The following MB21D2 variants were observed in gnomAD, a reference collection of about 807,000 sequenced individuals.
MB21D2 encodes Mab-21 domain containing 2.
Under a neutral mutation model 33.3 loss-of-function variants are expected in MB21D2, and 9 were observed. The ratio of observed to expected loss-of-function variants is 0.27; its 90% CI spans 0.16 to 0.47. The LOEUF is 0.47. Among genes scored for constraint, MB21D2 ranks in the 20% least tolerant of loss-of-function variants. The probability of loss-of-function intolerance (pLI) is 0.99; values close to 1 mark genes in which losing one functional copy is unlikely to be tolerated. For missense variants in MB21D2, 540 were observed against 624.6 expected, an observed-to-expected ratio of 0.86 and a Z score of 1.44; for synonymous variants, 241 against 236.3, an observed-to-expected ratio of 1.02 and a Z score of -0.18.
chr3:192,871,874 C>T (rs1713310656), intron 1 of MB21D2, among the ~76,000 whole-genome samples: 1 of 152,106 alleles, frequency 6.6e-6, no homozygotes, highest in African/African-American at 2.4e-5. Flanking sequence ...TGGACTCTCC[C>T]GGGTGGTTCA....
In MB21D2 at chr3:192,797,686, A is replaced by G. The variant is rs1720551743; in HGVS notation, c.*700T>C. 1 of 152,636 alleles carries G rather than the reference A, an allele frequency of 6.6e-6. No individual in the cohort carries two copies. The highest frequency in any genetic ancestry group is 2.4e-5 in the African/African-American group (1 of 41,444). The allele number at this position is 152,636 out of a possible 1,614,324, so 9.5% of individuals were successfully genotyped here. A position where few individuals can be genotyped will look rare whatever the true frequency, so the allele number is the denominator to read the frequency against. On this transcript the variant is annotated 3_prime_UTR_variant, in exon 2 of 2. Coordinates refer to ENST00000392452, the MANE Select transcript of MB21D2 (RefSeq NM_178496.4). The stretch of plus-strand genomic sequence containing the variant: ...TTTAAATAAGGCTTCAAATAATTAC[A>G]TATGCTAAAATTAACATTTGGAAAC...
At chr3:192,866,282 G>A (rs546167587) in intron 1 of MB21D2, among the ~76,000 whole-genome samples, 2 of 152,040 alleles carry the variant, frequency 1.3e-5, no homozygotes, top group South Asian at 4.1e-4. Context: ...CAATGTACAA[G>A]TGTAAGCAGG....
At chr3:192,904,284 T>A (rs149282416) in intron 1 of MB21D2, among the ~76,000 whole-genome samples, 459 of 152,302 alleles carry the variant, frequency 3.0e-3, no homozygotes, top group African/African-American at 0.011. Flanking sequence ...ATGCTGTGGA[T>A]GAACTGCCAC....
intron 1 of MB21D2, among the ~76,000 whole-genome samples, chr3:192,805,899 G>A (rs776561013): frequency 6.6e-5 from 10 of 152,106 alleles, no homozygotes; most frequent in Non-Finnish European, 1.5e-4. Flanking sequence ...CAGATTCCAC[G>A]GAGTTATTTT....
Position 192,798,886 on chromosome 3 carries a change from C to T in MB21D2, c.976G>A (p.Ala326Thr). 6.2e-7 allele frequency: 1 copy of T among 1,613,546 alleles called. No homozygotes were observed. Among genetic ancestry groups the T allele is most frequent in the Non-Finnish European group, 8.5e-7 (1 of 1,179,804 alleles). Residue 326 changes from alanine (A) to threonine (T), a missense_variant, in exon 2 of 2, where the codon GCT becomes ACT. Transcript: ENST00000392452. This position sits in a 1 kb window ranked among gnomAD's most constrained non-coding sequence, Gnocchi z 4.8. ...IIIKLLSRPK[A>T]ISPYHLRSMM... ...CTCCGCAGGTGATAGGGGCTAATAG[C>T]CTTGGGCCGGGACAGCAGTTTAATG...
intron 1 of MB21D2, among the ~76,000 whole-genome samples, chr3:192,873,442 G>T (rs1025742071): frequency 6.6e-6 from 1 of 152,122 alleles, no homozygotes; most frequent in African/African-American, 2.4e-5. Flanking sequence ...GTTGCAGGAG[G>T]TCTCCACACC....
chr3:192,858,093 C>T (rs1712958617), intron 1 of MB21D2, among the ~76,000 whole-genome samples: 2 of 152,116 alleles, frequency 1.3e-5, no homozygotes, highest in South Asian at 4.1e-4. Context: ...CCACTGCACT[C>T]CAGCCTGGGC....
At chr3:192,907,449 A>G (rs1714238189) in intron 1 of MB21D2, among the ~76,000 whole-genome samples, 1 of 152,186 alleles carries the variant, frequency 6.6e-6, no homozygotes. Context: ...CTAAGAGTAG[A>G]AAAGTCTACA....
intron 1 of MB21D2, among the ~76,000 whole-genome samples, chr3:192,851,811 G>T (rs1347779177): frequency 6.6e-6 from 1 of 152,046 alleles, no homozygotes; most frequent in Non-Finnish European, 1.5e-5. Flanking sequence ...ATTTTTAAAA[G>T]GTTATTATTA....
intron 1 of MB21D2, among the ~76,000 whole-genome samples, chr3:192,896,739 C>T (rs774301269): frequency 7.2e-5 from 11 of 152,214 alleles, no homozygotes; most frequent in Non-Finnish European, 1.0e-4. Flanking sequence ...TAATTACCAT[C>T]ATTGGCTAGT....
intron 1 of MB21D2, among the ~76,000 whole-genome samples, chr3:192,874,155 C>A (rs1560246442): frequency 6.6e-6 from 1 of 152,140 alleles, no homozygotes; most frequent in Non-Finnish European, 1.5e-5. Flanking sequence ...GGGGGTCTAG[C>A]AATTTCTCTC....
At chr3:192,888,208 T>C (rs1271445673) in intron 1 of MB21D2, among the ~76,000 whole-genome samples, 1 of 152,012 alleles carries the variant, frequency 6.6e-6, no homozygotes, top group East Asian at 1.9e-4. Flanking sequence ...AGCCTTACAC[T>C]TAAATCTGAA....
intron 1 of MB21D2, among the ~76,000 whole-genome samples, chr3:192,860,496 G>A (rs2108633490): frequency 6.6e-6 from 1 of 152,330 alleles, no homozygotes; most frequent in East Asian, 1.9e-4. Context: ...GTAGAATATT[G>A]ATAGTGGCAA....
At chr3:192,814,757 G>C (rs6805242) in intron 1 of MB21D2, among the ~76,000 whole-genome samples, 11,549 of 151,876 alleles carry the variant, frequency 0.076, 1,524 homozygotes, top group African/African-American at 0.26. Flanking sequence ...CCCAGCTACT[G>C]GGGAGGCTGA....
chr3:192,877,373 C>CA lies in MB21D2; in HGVS notation c.211+40256dup, dbSNP rs202137119. 2.6e-5 allele frequency among the ~76,000 whole-genome samples: 4 copies of CA among 152,036 alleles called. No individual in the cohort carries two copies. In the East Asian group the frequency reaches 7.7e-4, roughly 29 times the overall value. On this transcript the variant is annotated intron_variant, in intron 1 of 1. Transcript: ENST00000392452. ...TGAGGAAAATATGAAGTTGAACTTCCAAATAATAAAATCTGACAATCATTT... is the reference window on the plus strand; with the variant it reads ...TGAGGAAAATATGAAGTTGAACTTCCAAAATAATAAAATCTGACAATCATTT...
chr3:192,883,174 G>C (rs1713644305), intron 1 of MB21D2, among the ~76,000 whole-genome samples: 1 of 152,052 alleles, frequency 6.6e-6, no homozygotes, highest in African/African-American at 2.4e-5. Context: ...AGCCTGACCA[G>C]TTTCATATCT....
intron 1 of MB21D2, among the ~76,000 whole-genome samples, chr3:192,830,076 C>T (rs1301384057): frequency 3.3e-5 from 5 of 152,022 alleles, no homozygotes; most frequent in African/African-American, 1.2e-4. Flanking sequence ...TGCTATGTTG[C>T]CCAGGCCTCA....
At chr3:192,878,281 G>A (rs1158240417) in intron 1 of MB21D2, among the ~76,000 whole-genome samples, 2 of 152,050 alleles carry the variant, frequency 1.3e-5, no homozygotes, top group East Asian at 3.9e-4. Flanking sequence ...ACTCCATGGT[G>A]TATTATCTAC....
intron 1 of MB21D2, among the ~76,000 whole-genome samples, chr3:192,900,648 G>A (rs1714077386): frequency 6.6e-6 from 1 of 151,824 alleles, no homozygotes; most frequent in Non-Finnish European, 1.5e-5. Context: ...CCCCATAGAA[G>A]ACTTGTTGCA....
Sources: gnomAD v4.1 joint callset for allele counts (sites outside exome capture counted in the v4.1 genomes callset) on GRCh38, gnomAD v4.1.1 for gene constraint, Gnocchi (gnomAD v3.1) non-coding constraint, MANE v1.5 for transcripts, NCBI Gene and HGNC (gene_info 2026-07-23, HGNC 2026-07-21) for gene names.